Variants in REV3L observed in about 807,000 individuals in gnomAD.
The protein encoded by REV3L is REV3 like, DNA directed polymerase zeta catalytic subunit.
Under a neutral mutation model 299.4 loss-of-function variants are expected in REV3L, and 69 were observed. The ratio of observed to expected loss-of-function variants is 0.23; its 90% CI spans 0.19 to 0.28. REV3L has a LOEUF of 0.28. REV3L is among the 10% of genes least tolerant of loss of function. REV3L has a pLI of 1.00. For synonymous variants in REV3L, 1,238 were observed against 1,271.4 expected (o/e 0.97, Z 0.56); for missense variants, 3,128 against 3,693.8 (o/e 0.85, Z 3.97).
chr6:111,397,220 T>G (rs1037204214), intron 4 of REV3L, among the ~76,000 whole-genome samples: 3 of 152,062 alleles, frequency 2.0e-5, no homozygotes, highest in African/African-American at 4.8e-5. Context: ...TTATTTGAAA[T>G]CTTTTTTTTG....
intron 31 of REV3L, among the ~76,000 whole-genome samples, chr6:111,303,888 T>C (rs112599569): frequency 5.3e-5 from 8 of 151,654 alleles, no homozygotes; most frequent in African/African-American, 1.9e-4. Flanking sequence ...GCCTGGCTAA[T>C]TTTTGTATTT....
rs576815138 is a variant in REV3L, at chr6:111,464,500, A to C, written c.139+18250T>G. 5.3e-5 allele frequency among the ~76,000 whole-genome samples: 8 copies of C among 152,340 alleles called. No individual in the cohort carries two copies. The East Asian group carries it at 1.2e-3, about 22-fold the overall frequency. ...AGAATCTGTGATAATTTATATTTAG[A>C]AACAGAAAAAATGTAAAAAGTATAT... is the stretch of plus-strand genomic sequence containing the variant. On this transcript the variant is annotated intron_variant, in intron 1 of 31. Transcript: ENST00000368802.
chr6:111,375,263 G>A lies in REV3L; in HGVS notation c.3092C>T (p.Pro1031Leu), dbSNP rs139637959. Residue 1031 changes from proline to leucine, a missense_variant, in exon 13 of 32, where the codon CCT (proline) becomes CTT (leucine). Pro to Leu is a moderately conservative substitution (Grantham distance 98, BLOSUM62 -3). Coordinates refer to ENST00000368802, the MANE Select transcript of REV3L (RefSeq NM_001372078.1). ...KDFWPKVPDS[P>L]ATKYPIYPLT... ...TGGATAAATGGGATATTTGGTTGCAGGGGAGTCGGGAACTTTTGGCCAAAA... is the reference window on the plus strand; with the variant it reads ...TGGATAAATGGGATATTTGGTTGCAAGGGAGTCGGGAACTTTTGGCCAAAA... 634 of 1,609,798 alleles carry A rather than the reference G, an allele frequency of 3.9e-4. 2 individuals are homozygous for A. The Middle Eastern group carries it at 7.6e-3, about 19-fold the overall frequency.
intron 12 of REV3L, 89 bp downstream of exon 12, chr6:111,377,612 C>A: frequency 7.9e-7 from 1 of 1,273,118 alleles, no homozygotes. Context: ...GCTGGGATTA[C>A]AGGTGTGAGC....
intron 21 of REV3L, among the ~76,000 whole-genome samples, chr6:111,337,208 T>C (rs554734285): frequency 6.6e-6 from 1 of 152,204 alleles, no homozygotes; most frequent in Non-Finnish European, 1.5e-5. Flanking sequence ...ACTCTGAATA[T>C]ACTGAAAGCC....
At chr6:111,463,040 G>A (rs1790990101) in intron 1 of REV3L, among the ~76,000 whole-genome samples, 1 of 152,098 alleles carries the variant, frequency 6.6e-6, no homozygotes, top group Admixed American at 6.6e-5. Context: ...AGCTACTCTA[G>A]CTTACAGGTA....
chr6:111,478,090 A>C (rs1583147868), intron 1 of REV3L, among the ~76,000 whole-genome samples: 1 of 152,352 alleles, frequency 6.6e-6, no homozygotes, highest in East Asian at 1.9e-4. Flanking sequence ...TCATCTGTCA[A>C]TTACCTTGTA....
At chr6:111,463,347 G>GA (rs1247598561) in intron 1 of REV3L, among the ~76,000 whole-genome samples, 5 of 152,182 alleles carry the variant, frequency 3.3e-5, no homozygotes, top group African/African-American at 1.2e-4. Flanking sequence ...CCGAAGAGAA[G>GA]AAAGGTTAAT....
chr6:111,467,588 T>G (rs935784279), intron 1 of REV3L, among the ~76,000 whole-genome samples: 17 of 152,342 alleles, frequency 1.1e-4, no homozygotes, highest in African/African-American at 3.4e-4. Flanking sequence ...AAGAGTTGCA[T>G]CTGTACTGAA....
intron 5 of REV3L, among the ~76,000 whole-genome samples, chr6:111,392,431 T>C (rs1346446024): frequency 2.6e-5 from 4 of 152,130 alleles, no homozygotes; most frequent in African/African-American, 9.7e-5. Flanking sequence ...ATGAAACAAA[T>C]AAATTACAAA....
In REV3L at chr6:111,445,297, C is replaced by T. The variant is rs57373012; in HGVS notation, c.140-28825G>A. Among the ~76,000 whole-genome samples, 1,280 of 152,178 alleles carry T rather than the reference C, an allele frequency of 8.4e-3. 19 individuals carry two copies. The highest frequency in any genetic ancestry group is 0.029 in the African/African-American group (1,224 of 41,516). On this transcript the variant is annotated intron_variant, in intron 1 of 31. Coordinates refer to ENST00000368802, the MANE Select transcript of REV3L (RefSeq NM_001372078.1). ...GGTGCCATGCTCACTACCTGGGTAACGGGGGTAAATCATGTCCCAAGCCTC... is the reference window on the plus strand; with the variant it reads ...GGTGCCATGCTCACTACCTGGGTAATGGGGGTAAATCATGTCCCAAGCCTC...
At chr6:111,405,322 TC>T in intron 4 of REV3L, 147 bp downstream of exon 4, 2 of 546,880 alleles carry the variant, frequency 3.7e-6, no homozygotes, top group Non-Finnish European at 5.7e-6. Flanking sequence ...CAATCTCTAA[TC>T]CCACTTTGCA....
chr6:111,309,855 T>C lies in REV3L; in HGVS notation c.9040A>G (p.Arg3014Gly). 1.2e-6 allele frequency: 2 copies of C among 1,613,544 alleles called. No individual in the cohort carries two copies. The highest frequency in any genetic ancestry group is 1.7e-6 in the Non-Finnish European group (2 of 1,179,670). ...CATGTACTATTTGGTAAGCTTACCCTTGGTAATTCATGATACCAGCTGAAG... is the reference window on the plus strand; with the variant it reads ...CATGTACTATTTGGTAAGCTTACCCCTGGTAATTCATGATACCAGCTGAAG... ...DVFSWYHELP[R>G]IHKATSSSRS... is the part of the protein sequence containing the mutation. The change falls in exon 30 of 32, where the codon AGG becomes GGG. Residue 3014 changes from arginine to glycine, a missense_variant and splice_region_variant. By Grantham distance (125) the Arg-to-Gly change is moderately radical (BLOSUM62 -2). This residue lies in a region of REV3L where 294 missense variants were observed against 377.0 expected (regional missense o/e 0.78). Transcript: ENST00000368802.
chr6:111,431,358 C>A, intron 1 of REV3L: 1 of 997,348 alleles, frequency 1.0e-6, no homozygotes, highest in Non-Finnish European at 1.6e-6. Context: ...TGTCTGGACT[C>A]CAATACTTCA....
At chr6:111,422,920 C>A (rs1168823890) in intron 1 of REV3L, among the ~76,000 whole-genome samples, 1 of 151,532 alleles carries the variant, frequency 6.6e-6, no homozygotes. Flanking sequence ...TATCTAGAAT[C>A]ATTGGCTTTA....
Position 111,333,259 on chromosome 6 carries a change from G to A in REV3L, c.7789C>T (p.Leu2597=). The part of the protein sequence containing the change: ...SQMRAPQCVP[L]IMEPESRFYS... ...AAGCGGGATTCAGGCTCCATAATTA[G>A]AGGAACACACTGTGGGGCTCTCATC... Residue 2597 remains leucine, a synonymous_variant, in exon 23 of 32, where the codon CTA becomes TTA. Transcript: ENST00000368802. The A allele has an allele frequency of 1.2e-6, 2 of 1,614,142 alleles. No individual in the cohort carries two copies. Among genetic ancestry groups the A allele is most frequent in the Non-Finnish European group, 1.7e-6 (2 of 1,180,020 alleles).
intron 23 of REV3L, 130 bp downstream of exon 23, chr6:111,332,993 G>T: frequency 2.9e-6 from 3 of 1,018,610 alleles, no homozygotes; most frequent in South Asian, 3.3e-5. Context: ...GAATGGATTA[G>T]CTGGGATACA....
At position 111,482,818 on chromosome 6, in the gene REV3L, T is replaced by G; in HGVS notation, c.71A>C (p.Gln24Pro). 1 of 1,505,406 alleles carries G rather than the reference T, an allele frequency of 6.6e-7. No individual in the cohort carries two copies. The highest frequency in any genetic ancestry group is 8.8e-7 in the Non-Finnish European group (1 of 1,132,112). 93.3% of individuals were successfully genotyped at this position (1,505,406 alleles called of 1,614,324 possible). A position where few individuals can be genotyped will look rare whatever the true frequency, so the allele number is the denominator to read the frequency against. The change falls in exon 1 of 32, where the codon CAA becomes CCA. Residue 24 changes from glutamine to proline, a missense_variant. Coordinates refer to ENST00000368802, the MANE Select transcript of REV3L (RefSeq NM_001372078.1). ...GACAGGGGCCTGGGTGAGGGGGGAT[T>G]GGCAGGTATCCAGCCCCTGCAGCGG... ...ASPLQGLDTC[Q>P]SPLTQAPVKK...
rs1772783409 is a variant in REV3L at position 111,309,984 on chromosome 6, C to T, written c.8911G>A (p.Glu2971Lys). 1.2e-6 allele frequency: 2 copies of T among 1,613,726 alleles called. No homozygotes were observed. The part of the protein sequence containing the change: ...PLIQLVRRPV[E>K]VLQDPTLRLN... ...CTCAGAGTTGGGTCCTGCAGGACTTCCACTGGGCGCCTTACAAGCTGGATA... is the reference window on the plus strand; with the variant it reads ...CTCAGAGTTGGGTCCTGCAGGACTTTCACTGGGCGCCTTACAAGCTGGATA... Residue 2971 changes from glutamate to lysine, a missense_variant, in exon 30 of 32, where the codon GAA becomes AAA. Physicochemically the swap from Glu to Lys is moderately conservative, Grantham distance 56 (BLOSUM62 1). Transcript: ENST00000368802.
Sources: gnomAD v4.1 joint callset for allele counts (sites outside exome capture counted in the v4.1 genomes callset) on GRCh38, gnomAD v4.1.1 for gene constraint, gnomAD v4.1.1 regional missense constraint, MANE v1.5 for transcripts, NCBI Gene and HGNC (gene_info 2026-07-23, HGNC 2026-07-21) for gene names.